The following KAZN variants were observed in gnomAD, a reference collection of about 807,000 sequenced individuals.
The protein encoded by KAZN is kazrin.
Under a neutral mutation model 87.4 loss-of-function variants are expected in KAZN, and 40 were observed. That is an observed-to-expected ratio of 0.46 (90% CI 0.36 to 0.60). The LOEUF is 0.60. Ranked by LOEUF, KAZN falls within the 20% of genes least tolerant of loss-of-function variation. KAZN has a pLI of 0.00. For missense variants in KAZN, 898 were observed against 1,073.9 expected, an observed-to-expected ratio of 0.84 and a Z score of 2.29; for synonymous variants, 466 against 458.3, an observed-to-expected ratio of 1.02 and a Z score of -0.22.
chr1:14,277,214 C>G (rs1652431326), intron 2 of KAZN, among the ~76,000 whole-genome samples: 2 of 152,198 alleles, frequency 1.3e-5, no homozygotes, highest in Non-Finnish European at 2.9e-5. Flanking sequence ...GTCTATTACA[C>G]ACCCAACCCT....
chr1:15,011,696 AAC>A (rs1189246323), intron 2 of KAZN, among the ~76,000 whole-genome samples: 3 of 152,324 alleles, frequency 2.0e-5, no homozygotes, highest in Admixed American at 2.0e-4. Flanking sequence ...TGAGAGAATG[AAC>A]AAAAGCATAG....
intron 2 of KAZN, among the ~76,000 whole-genome samples, chr1:14,207,966 C>A (rs1237561074): frequency 6.6e-6 from 1 of 152,190 alleles, no homozygotes; most frequent in Non-Finnish European, 1.5e-5. Context: ...ACGTTCTATT[C>A]TCCTGATGCA....
intron 1 of KAZN, among the ~76,000 whole-genome samples, chr1:14,143,509 C>T (rs1645284343): frequency 1.3e-5 from 2 of 152,182 alleles, no homozygotes; most frequent in African/African-American, 2.4e-5. Flanking sequence ...CGCCCTCATA[C>T]ACAGGCACAC....
intron 2 of KAZN, among the ~76,000 whole-genome samples, chr1:14,398,993 C>G (rs1312089569): frequency 6.6e-6 from 1 of 152,118 alleles, no homozygotes; most frequent in Non-Finnish European, 1.5e-5. Context: ...ACTCATGGCA[C>G]TTGCCATCCC....
intron 1 of KAZN, among the ~76,000 whole-genome samples, chr1:14,077,797 T>C (rs1222454841): frequency 6.6e-6 from 1 of 152,126 alleles, no homozygotes; most frequent in Non-Finnish European, 1.5e-5. Context: ...GCTGGAGTTC[T>C]TACACGGAGA....
intron 1 of KAZN, among the ~76,000 whole-genome samples, chr1:14,828,614 A>C (rs576376109): frequency 9.2e-5 from 14 of 152,308 alleles, no homozygotes; most frequent in African/African-American, 3.1e-4. Flanking sequence ...CCCCCCAAGA[A>C]AGGAAGAAAC....
chr1:15,002,710 T>C (rs1466936964), intron 2 of KAZN, among the ~76,000 whole-genome samples: 4 of 151,728 alleles, frequency 2.6e-5, no homozygotes, highest in Non-Finnish European at 4.4e-5. Context: ...GCGTGGTAGC[T>C]CACACCTGTA....
At chr1:14,109,003 G>A (rs1261708598) in intron 1 of KAZN, among the ~76,000 whole-genome samples, 1 of 152,202 alleles carries the variant, frequency 6.6e-6, no homozygotes, top group Non-Finnish European at 1.5e-5. Context: ...GAATGCACAG[G>A]CTGAGCTAGG....
chr1:14,882,659 A>G (rs1454021673), intron 1 of KAZN, among the ~76,000 whole-genome samples: 1 of 152,232 alleles, frequency 6.6e-6, no homozygotes, highest in Non-Finnish European at 1.5e-5. Flanking sequence ...AGCATCACTT[A>G]CAGCTCCTCC....
intron 1 of KAZN, among the ~76,000 whole-genome samples, chr1:13,952,785 C>T (rs1641402029): frequency 6.6e-6 from 1 of 152,196 alleles, no homozygotes; most frequent in African/African-American, 2.4e-5. Context: ...AGCCGGAGCT[C>T]AAATACCAGT....
intron 2 of KAZN, among the ~76,000 whole-genome samples, chr1:14,385,233 A>G (rs1042372119): frequency 1.3e-5 from 2 of 151,790 alleles, no homozygotes; most frequent in South Asian, 2.1e-4. Context: ...CTAGCGGTCT[A>G]TTAATTTTGT....
At chr1:14,961,355 T>A (rs1663841929) in intron 2 of KAZN, among the ~76,000 whole-genome samples, 1 of 152,136 alleles carries the variant, frequency 6.6e-6, no homozygotes, top group Non-Finnish European at 1.5e-5. Context: ...TGGTGTAGTG[T>A]CCAGGGGGTC....
At chr1:15,111,442 A>G (rs886156168) in intron 13 of KAZN, among the ~76,000 whole-genome samples, 2 of 152,078 alleles carry the variant, frequency 1.3e-5, no homozygotes, top group African/African-American at 4.8e-5. Context: ...TGCCCAGCTA[A>G]TTCTTTTTGT....
In KAZN at chr1:14,769,353, A is replaced by G. The variant is rs1644963309; in HGVS notation, c.226+170130A>G. Among the ~76,000 whole-genome samples, 1 of 151,702 alleles carries G rather than the reference A, an allele frequency of 6.6e-6. No homozygotes were observed. The highest frequency in any genetic ancestry group is 2.4e-5 in the African/African-American group (1 of 41,292). Reference sequence around the variant, plus strand: ...CCTTGGTCAGATTTTTCACCCTTGCAGGTCTTTTTTCTTTTCTTGAGACGG... The same window carrying G: ...CCTTGGTCAGATTTTTCACCCTTGCGGGTCTTTTTTCTTTTCTTGAGACGG... On this transcript the variant is annotated intron_variant, in intron 1 of 14. Transcript: ENST00000376030. This position sits in a 1 kb window ranked among gnomAD's most constrained non-coding sequence, Gnocchi z 4.1.
chr1:14,214,680 A>G (rs769184819), intron 2 of KAZN, among the ~76,000 whole-genome samples: 20 of 152,214 alleles, frequency 1.3e-4, no homozygotes, highest in Non-Finnish European at 1.5e-4. Flanking sequence ...TTACTGATGG[A>G]TTGTATATGA....
In KAZN at chr1:14,539,406, A is replaced by G. The variant is rs182411042; in HGVS notation, c.250-59577A>G. ...GGAAGAACTGATGAAATCTAAATAA[A>G]GTCAGTAGACTTGAGTTAGTAGTAA... On this transcript the variant is annotated intron_variant, in intron 2 of 16. Transcript: ENST00000636203. 3.2e-4 allele frequency among the ~76,000 whole-genome samples: 48 copies of G among 152,330 alleles called. 1 individual carries two copies. In the East Asian group the frequency reaches 7.2e-3, roughly 23 times the overall value.
At chr1:14,883,403 G>GAAAGAAAGAAAGA (rs1653681713) in intron 1 of KAZN, among the ~76,000 whole-genome samples, 1 of 138,478 alleles carries the variant, frequency 7.2e-6, no homozygotes, top group Non-Finnish European at 1.5e-5. Flanking sequence ...AAGAAAGAAA[G>GAAAGAAAGAAAGA]AAAGAAAGAA....
intron 1 of KAZN, among the ~76,000 whole-genome samples, chr1:14,670,147 T>C (rs1344148312): frequency 8.6e-5 from 13 of 151,390 alleles, no homozygotes; most frequent in Admixed American, 8.5e-4. Flanking sequence ...CCTTTTTCCT[T>C]CCCTTCTTCC....
At chr1:15,108,648 G>T (rs1205229040) in intron 13 of KAZN, among the ~76,000 whole-genome samples, 2 of 152,270 alleles carry the variant, frequency 1.3e-5, no homozygotes, top group East Asian at 3.9e-4. Flanking sequence ...TAAATCCTTG[G>T]TTAATGGGTT....
Sources: allele counts gnomAD v4.1 joint callset (sites outside exome capture counted in the v4.1 genomes callset), GRCh38; gene constraint gnomAD v4.1.1; non-coding constraint Gnocchi (gnomAD v3.1); transcripts MANE v1.5; gene names NCBI Gene and HGNC (gene_info 2026-07-23, HGNC 2026-07-21).